Variants in CSTF3 observed in about 807,000 individuals in gnomAD.
The protein encoded by CSTF3 is cleavage stimulation factor subunit 3, also known as CF-1 77 kDa subunit.
Under a neutral mutation model 105.8 loss-of-function variants are expected in CSTF3, and 29 were observed. The ratio of observed to expected loss-of-function variants is 0.27; its 90% CI spans 0.20 to 0.37. The LOEUF is 0.37. Ranked by LOEUF, CSTF3 falls within the 10% of genes least tolerant of loss-of-function variation. The pLI is 1.00. For synonymous variants in CSTF3, 252 were observed against 281.9 expected (o/e 0.89, Z 1.06); for missense variants, 357 against 879.3 (o/e 0.41, Z 7.51).
chr11:33,088,152 TACATAC>T (rs1409042218), intron 17 of CSTF3, among the ~76,000 whole-genome samples: 1 of 152,170 alleles, frequency 6.6e-6, no homozygotes, highest in Non-Finnish European at 1.5e-5. Flanking sequence ...TTCTCACAGA[TACATAC>T]ATACCATACC....
chr11:33,091,920 G>A (rs1855173868), intron 16 of CSTF3, among the ~76,000 whole-genome samples: 1 of 152,040 alleles, frequency 6.6e-6, no homozygotes, highest in Non-Finnish European at 1.5e-5. Context: ...TCACTATGTT[G>A]CCCAGGCTGG....
chr11:33,116,564 A>C (rs1855432733), intron 3 of CSTF3, among the ~76,000 whole-genome samples: 1 of 152,166 alleles, frequency 6.6e-6, no homozygotes, highest in South Asian at 2.1e-4. Context: ...AGCAAGAAAA[A>C]AAGAATATGC....
intron 3 of CSTF3, among the ~76,000 whole-genome samples, chr11:33,124,201 T>C (rs895634191): frequency 2.0e-5 from 3 of 152,028 alleles, no homozygotes; most frequent in African/African-American, 7.2e-5. Flanking sequence ...AAAAGAAAAC[T>C]ATCAACCTTA....
chr11:33,154,068 T>C (rs1248394091), intron 1 of CSTF3, among the ~76,000 whole-genome samples: 2 of 152,222 alleles, frequency 1.3e-5, no homozygotes, highest in Non-Finnish European at 2.9e-5. Flanking sequence ...TCCACTTATT[T>C]ATCAAGAATA....
intron 3 of CSTF3, among the ~76,000 whole-genome samples, chr11:33,111,658 A>T (rs539231767): frequency 1.3e-5 from 2 of 152,208 alleles, no homozygotes; most frequent in South Asian, 4.1e-4. Context: ...TCTATTATGT[A>T]TATCTACGAA....
At chr11:33,148,522 C>A (rs553281298) in intron 1 of CSTF3, among the ~76,000 whole-genome samples, 2 of 148,140 alleles carry the variant, frequency 1.4e-5, no homozygotes, top group South Asian at 5.0e-4. Context: ...CACAGTGACA[C>A]CCCGTCTCTA....
chr11:33,116,954 T>G (rs1479499162), intron 3 of CSTF3, among the ~76,000 whole-genome samples: 1 of 150,414 alleles, frequency 6.6e-6, no homozygotes, highest in Non-Finnish European at 1.5e-5. Flanking sequence ...GAATGAAAAG[T>G]GTTATGAGAG....
In CSTF3 at chr11:33,107,981, A is replaced by G. The variant is rs1855343272; in HGVS notation, c.278T>C (p.Met93Thr). ...CCATAAATCAATGTGCAAAACCTTC[A>G]TAAGGCATCTCTGAAATAGCTTTAA... ...KVEKLFQRCLMKVLHIDLWKC... is the reference protein window; with the variant it reads ...KVEKLFQRCLTKVLHIDLWKC... Residue 93 changes from methionine to threonine, a missense_variant, in exon 5 of 21, where the codon ATG (methionine) becomes ACG (threonine). By Grantham distance (81) the Met-to-Thr change is moderately conservative. Coordinates refer to ENST00000323959, the MANE Select transcript of CSTF3 (RefSeq NM_001326.3). 6.2e-7 allele frequency: 1 copy of G among 1,607,680 alleles called. No homozygotes were observed. Among genetic ancestry groups the G allele is most frequent in the Non-Finnish European group, 8.5e-7 (1 of 1,176,594 alleles).
intron 5 of CSTF3, 34 bp downstream of exon 5, chr11:33,107,869 T>G (rs369316515): frequency 3.2e-5 from 40 of 1,261,634 alleles, no homozygotes; most frequent in Non-Finnish European, 4.6e-5. Flanking sequence ...TGCCTGGAGA[T>G]GACTTGCATT....
At chr11:33,108,309 T>A in intron 4 of CSTF3, 77 bp downstream of exon 4, 1 of 1,228,236 alleles carries the variant, frequency 8.1e-7, no homozygotes, top group Non-Finnish European at 1.1e-6. Context: ...ATTATTAACA[T>A]TTTACTACAT....
At chr11:33,142,689 C>A (rs558323284) in intron 1 of CSTF3, among the ~76,000 whole-genome samples, 7 of 152,166 alleles carry the variant, frequency 4.6e-5, no homozygotes, top group African/African-American at 1.7e-4. Flanking sequence ...GAAATTAAAA[C>A]AAATTTAAAT....
At position 33,104,424 on chromosome 11, in the gene CSTF3, A is replaced by C. The variant is rs558572257; in HGVS notation, c.585+1143T>G. ...CACTAGATATGAAAGAGATTTGTGA[A>C]AATATAAAACAATGCCACTCTTCTC... On this transcript the variant is annotated intron_variant, in intron 8 of 20. Coordinates refer to ENST00000323959, the MANE Select transcript of CSTF3 (RefSeq NM_001326.3). 2.6e-4 allele frequency among the ~76,000 whole-genome samples: 39 copies of C among 152,330 alleles called. No homozygotes were observed. In the South Asian group the frequency reaches 7.9e-3, roughly 31 times the overall value.
intron 3 of CSTF3, among the ~76,000 whole-genome samples, chr11:33,123,455 T>C (rs916963520): frequency 5.9e-5 from 9 of 152,024 alleles, no homozygotes; most frequent in African/African-American, 1.9e-4. Context: ...CATTAGGAAA[T>C]AGAAAATTCA....
At position 33,112,011 on chromosome 11, in the gene CSTF3, T is replaced by C. The variant is rs185242331; in HGVS notation, c.226-3593A>G. ...GCTCATGCCTGTAATCCCAGCACTT[T>C]GGGAGGCCAAGGCGGGCAGATCACC... On this transcript the variant is annotated intron_variant, in intron 3 of 20. Coordinates refer to ENST00000323959, the MANE Select transcript of CSTF3 (RefSeq NM_001326.3). Among the ~76,000 whole-genome samples, 1,367 of 152,328 alleles carry C rather than the reference T, an allele frequency of 9.0e-3. 5 individuals are homozygous for C. Among genetic ancestry groups the C allele is most frequent in the Non-Finnish European group, 0.013 (883 of 68,034 alleles).
chr11:33,102,092 G>T, intron 10 of CSTF3, 85 bp downstream of exon 10: 1 of 1,012,914 alleles, frequency 9.9e-7, no homozygotes, highest in Non-Finnish European at 1.5e-6. Context: ...AAAGATTAGG[G>T]GTAAGAAAAT....
chr11:33,096,810 T>C lies in CSTF3; in HGVS notation c.1272+25A>G, dbSNP rs1046443983. The C allele has an allele frequency of 1.9e-6, 3 of 1,587,762 alleles. No homozygotes were observed. In the African/African-American group the frequency reaches 4.1e-5, roughly 22 times the overall value. On this transcript the variant is annotated intron_variant, in intron 14 of 20. Coordinates refer to ENST00000323959, the MANE Select transcript of CSTF3 (RefSeq NM_001326.3). ...CTCAGATGAAGGAAGTTGTTTTATCTTTACACTTGTATTTCAGTATTTACC... is the reference window on the plus strand; with the variant it reads ...CTCAGATGAAGGAAGTTGTTTTATCCTTACACTTGTATTTCAGTATTTACC...
At chr11:33,096,746 C>T in intron 14 of CSTF3, 89 bp downstream of exon 14, 1 of 1,296,446 alleles carries the variant, frequency 7.7e-7, no homozygotes, top group Non-Finnish European at 1.1e-6. Flanking sequence ...GCAATAAAAG[C>T]TTAATGACAG....
chr11:33,085,367 T>TAG, intron 20 of CSTF3, 78 bp from the exon 21 acceptor site: 26 of 1,251,612 alleles, frequency 2.1e-5, no homozygotes, highest in Non-Finnish European at 2.4e-5. Context: ...GGATACTTTA[T>TAG]TTCATAGCCT....
chr11:33,158,047 C>T (rs569979430), intron 1 of CSTF3, among the ~76,000 whole-genome samples: 7 of 152,224 alleles, frequency 4.6e-5, no homozygotes, highest in African/African-American at 1.7e-4. Flanking sequence ...AAGCTGAATA[C>T]AGTATCTAGG....
Sources: allele counts gnomAD v4.1 joint callset (sites outside exome capture counted in the v4.1 genomes callset), GRCh38; gene constraint gnomAD v4.1.1; transcripts MANE v1.5; gene names NCBI Gene and HGNC (gene_info 2026-07-23, HGNC 2026-07-21).